Variants in PRKG1 observed in about 807,000 individuals in gnomAD.
PRKG1 encodes the protein cGMP-dependent protein kinase 1.
Under a neutral mutation model 88.1 loss-of-function variants are expected in PRKG1, and 35 were observed. That is an observed-to-expected ratio of 0.40 (90% CI 0.30 to 0.53). PRKG1 has a LOEUF of 0.53. PRKG1 is among the 20% of genes least tolerant of loss of function. The pLI is 0.59. For missense variants in PRKG1, 540 were observed against 839.8 expected, an observed-to-expected ratio of 0.64 and a Z score of 4.41; for synonymous variants, 303 against 292.5, an observed-to-expected ratio of 1.04 and a Z score of -0.37.
intron 2 of PRKG1, among the ~76,000 whole-genome samples, chr10:51,295,692 G>T (rs1224057911): frequency 6.6e-6 from 1 of 150,648 alleles, no homozygotes; most frequent in Non-Finnish European, 1.5e-5. Context: ...AATTGTTCTG[G>T]CTAGGACTTC....
intron 3 of PRKG1, among the ~76,000 whole-genome samples, chr10:51,609,961 C>T (rs1838863451): frequency 6.6e-6 from 1 of 152,160 alleles, no homozygotes; most frequent in South Asian, 2.1e-4. Flanking sequence ...ATGTAACCTG[C>T]ACATCCTGCA....
chr10:51,486,112 TG>T (rs1240710984), intron 3 of PRKG1, among the ~76,000 whole-genome samples: 2 of 152,198 alleles, frequency 1.3e-5, no homozygotes, highest in Non-Finnish European at 2.9e-5. Flanking sequence ...TTATTATTTT[TG>T]TTTGCGATAA....
intron 9 of PRKG1, among the ~76,000 whole-genome samples, chr10:52,167,791 A>G (rs576624182): frequency 2.0e-5 from 3 of 152,224 alleles, no homozygotes; most frequent in Non-Finnish European, 4.4e-5. Context: ...TTGAAGGCTA[A>G]AGGGATTCAT....
intron 7 of PRKG1, among the ~76,000 whole-genome samples, chr10:52,089,391 G>GA (rs1336576334): frequency 6.6e-6 from 1 of 152,112 alleles, no homozygotes; most frequent in Non-Finnish European, 1.5e-5. Flanking sequence ...ACAAATTGAT[G>GA]AAAAAATTCT....
chr10:51,153,167 C>G lies in PRKG1; in HGVS notation c.315C>G (p.Ser105=). ...TLPFYPKSPQ[S]KDLIKEAILD... ...AATCTTCCCTCTCTTGCCATAGGTC[C>G]AAGGATCTTATAAAGGAAGCTATCC... The change falls in exon 2 of 18, where the codon TCC becomes TCG. Residue 105 remains serine, a synonymous_variant. Coordinates refer to ENST00000373980, the MANE Select transcript of PRKG1 (RefSeq NM_006258.4). 2 of 1,610,766 alleles carry G rather than the reference C, an allele frequency of 1.2e-6. No individual in the cohort carries two copies. The highest frequency in any genetic ancestry group is 1.1e-5 in the South Asian group (1 of 90,876).
At chr10:52,122,360 A>C (rs2132613782) in intron 7 of PRKG1, among the ~76,000 whole-genome samples, 1 of 152,346 alleles carries the variant, frequency 6.6e-6, no homozygotes. Flanking sequence ...TTAGTGATTA[A>C]GTTTCCAAGA....
intron 4 of PRKG1, among the ~76,000 whole-genome samples, chr10:51,886,854 G>A (rs1841582119): frequency 1.3e-5 from 2 of 152,236 alleles, no homozygotes; most frequent in South Asian, 4.1e-4. Flanking sequence ...GTCCTGCAGT[G>A]CTCACCTATA....
At chr10:51,289,058 T>C (rs1366991186) in intron 2 of PRKG1, among the ~76,000 whole-genome samples, 1 of 152,158 alleles carries the variant, frequency 6.6e-6, no homozygotes, top group African/African-American at 2.4e-5. Context: ...ATATCATAAA[T>C]GTGAACAAGA....
intron 3 of PRKG1, among the ~76,000 whole-genome samples, chr10:51,749,009 A>G (rs1310180618): frequency 6.6e-6 from 1 of 152,222 alleles, no homozygotes; most frequent in Non-Finnish European, 1.5e-5. Context: ...CTTAATCTAT[A>G]TAGATAGTGA....
intron 4 of PRKG1, among the ~76,000 whole-genome samples, chr10:51,840,189 C>T (rs1840235390): frequency 6.6e-6 from 1 of 152,046 alleles, no homozygotes; most frequent in Admixed American, 6.5e-5. Flanking sequence ...AAATGAGAAG[C>T]CTGCACACTG....
intron 3 of PRKG1, among the ~76,000 whole-genome samples, chr10:51,551,260 C>T (rs541405806): frequency 6.6e-6 from 1 of 151,866 alleles, no homozygotes; most frequent in East Asian, 1.9e-4. Context: ...GATCGATGCA[C>T]AAGGATCCTT....
chr10:51,271,185 A>G (rs1839969731), intron 2 of PRKG1, among the ~76,000 whole-genome samples: 1 of 152,134 alleles, frequency 6.6e-6, no homozygotes, highest in Admixed American at 6.5e-5. Flanking sequence ...GAGAAGCTAT[A>G]TATGACTAGA....
At chr10:52,033,136 T>C (rs1431530808) in intron 5 of PRKG1, among the ~76,000 whole-genome samples, 1 of 152,196 alleles carries the variant, frequency 6.6e-6, no homozygotes, top group Admixed American at 6.5e-5. Flanking sequence ...TGAGCCCAAA[T>C]GCCACCTTAG....
intron 4 of PRKG1, among the ~76,000 whole-genome samples, chr10:51,884,242 C>T (rs539731162): frequency 6.7e-5 from 10 of 150,098 alleles, no homozygotes; most frequent in Admixed American, 1.3e-4. Flanking sequence ...GTCAGGAGAT[C>T]GAGACCATCC....
intron 3 of PRKG1, among the ~76,000 whole-genome samples, chr10:51,597,138 T>A (rs1838471629): frequency 6.6e-6 from 1 of 152,154 alleles, no homozygotes. Context: ...ATGTTTTCTT[T>A]TTGGCTAGAA....
At chr10:51,964,120 G>A (rs1843512200) in intron 5 of PRKG1, among the ~76,000 whole-genome samples, 1 of 152,102 alleles carries the variant, frequency 6.6e-6, no homozygotes, top group Non-Finnish European at 1.5e-5. Context: ...ACTTTAACCT[G>A]AGCTTCCGTT....
chr10:51,079,711 C>G (rs1211769928), intron 1 of PRKG1, among the ~76,000 whole-genome samples: 1 of 143,564 alleles, frequency 7.0e-6, no homozygotes, highest in Non-Finnish European at 1.5e-5. Flanking sequence ...GTGTTTTACA[C>G]CAAGGACTAA....
chr10:51,031,627 A>G (rs993320888), intron 1 of PRKG1, among the ~76,000 whole-genome samples: 4 of 152,152 alleles, frequency 2.6e-5, no homozygotes, highest in Admixed American at 2.0e-4. Context: ...TGTTTTTATC[A>G]TATCAGCCCT....
chr10:51,560,851 G>A (rs61849850), intron 3 of PRKG1, among the ~76,000 whole-genome samples: 8,335 of 152,002 alleles, frequency 0.055, 349 homozygotes, highest in Middle Eastern at 0.085. Context: ...ATACAGTTTT[G>A]TATATGCTAT....
Sources: allele counts gnomAD v4.1 joint callset (sites outside exome capture counted in the v4.1 genomes callset), GRCh38; gene constraint gnomAD v4.1.1; transcripts MANE v1.5; gene names NCBI Gene and HGNC (gene_info 2026-07-23, HGNC 2026-07-21).